TBK1: variants seen among roughly 807,000 people sequenced by gnomAD.
TBK1 encodes the protein serine/threonine-protein kinase TBK1.
Under a neutral mutation model 99.9 loss-of-function variants are expected in TBK1, and 37 were observed. The ratio of observed to expected loss-of-function variants is 0.37; its 90% CI spans 0.28 to 0.49. The LOEUF is 0.49. Ranked by LOEUF, TBK1 falls within the 20% of genes least tolerant of loss-of-function variation. The probability of loss-of-function intolerance (pLI) is 0.98; values close to 1 mark genes in which losing one functional copy is unlikely to be tolerated. For synonymous variants in TBK1, 258 were observed against 279.8 expected, an observed-to-expected ratio of 0.92 and a Z score of 0.78; for missense variants, 644 against 872.5, an observed-to-expected ratio of 0.74 and a Z score of 3.30.
intron 13 of TBK1, among the ~76,000 whole-genome samples, chr12:64,491,124 G>T (rs2040865243): frequency 1.3e-5 from 2 of 151,924 alleles, no homozygotes; most frequent in African/African-American, 4.8e-5. Context: ...TATTATAGAA[G>T]TGCGCAGGTT....
intron 6 of TBK1, among the ~76,000 whole-genome samples, chr12:64,475,302 T>C (rs942074745): frequency 1.3e-5 from 2 of 151,038 alleles, no homozygotes; most frequent in Non-Finnish European, 2.9e-5. Flanking sequence ...TCAGAGGGTA[T>C]GTGTGAAGGT....
Position 64,490,113 on chromosome 12 carries a change from G to T in TBK1, c.1515G>T (p.Leu505Phe). Reference sequence around the variant, plus strand: ...AAATTTCAGACATACACACCAAATTGTTGAGAGTAAGTGTTTACAAAATTA... The same window carrying T: ...AAATTTCAGACATACACACCAAATTTTTGAGAGTAAGTGTTTACAAAATTA... ...LGEISDIHTK[L>F]LRLSSSQGTI... Residue 505 changes from leucine (L) to phenylalanine (F), a missense_variant, in exon 13 of 21, where the codon TTG becomes TTT. Physicochemically the swap from Leu to Phe is conservative, Grantham distance 22 (BLOSUM62 0). Transcript: ENST00000331710. 6.2e-7 allele frequency: 1 copy of T among 1,609,206 alleles called. No individual in the cohort carries two copies. The highest frequency in any genetic ancestry group is 8.5e-7 in the Non-Finnish European group (1 of 1,177,182).
chr12:64,460,074 A>G, intron 2 of TBK1, 115 bp from the exon 3 acceptor site: 1 of 644,276 alleles, frequency 1.6e-6, no homozygotes, highest in South Asian at 5.0e-5. Context: ...CCTGTGCCTA[A>G]AAGATGCATG....
intron 2 of TBK1, among the ~76,000 whole-genome samples, chr12:64,458,859 C>T (rs2040517821): frequency 6.6e-6 from 1 of 152,190 alleles, no homozygotes; most frequent in Non-Finnish European, 1.5e-5. Flanking sequence ...AACAGTGAAA[C>T]TGAACTGTAC....
chr12:64,463,592 T>G (rs1313423508), intron 3 of TBK1, among the ~76,000 whole-genome samples: 19 of 148,414 alleles, frequency 1.3e-4, no homozygotes, highest in African/African-American at 4.5e-4. Flanking sequence ...CCCAGCTACT[T>G]GGGAGCTGAG....
At chr12:64,493,348 A>G (rs1485129944) in intron 13 of TBK1, among the ~76,000 whole-genome samples, 1 of 150,004 alleles carries the variant, frequency 6.7e-6, no homozygotes, top group Non-Finnish European at 1.5e-5. Context: ...CCTGGGCCAC[A>G]GGTCGCAGTG....
chr12:64,460,689 CTTGGCATGGTGG>C (rs201350388), intron 3 of TBK1, among the ~76,000 whole-genome samples: 4,578 of 151,922 alleles, frequency 0.03, 101 homozygotes, highest in Non-Finnish European at 0.045. Flanking sequence ...CAAAAATTAG[CTTGGCATGGTGG>C]TGCGCACCTG....
At chr12:64,474,715 T>TACA (rs1010687558) in intron 6 of TBK1, among the ~76,000 whole-genome samples, 1 of 152,078 alleles carries the variant, frequency 6.6e-6, no homozygotes, top group African/African-American at 2.4e-5. Context: ...TTTCCTCCCA[T>TACA]ACAACTGAAA....
intron 9 of TBK1, 69 bp downstream of exon 9, chr12:64,484,568 T>C: frequency 1.4e-6 from 2 of 1,450,046 alleles, no homozygotes; most frequent in South Asian, 2.7e-5. Flanking sequence ...GGCAACATAG[T>C]GAGACCTTGT....
chr12:64,465,371 A>G lies in TBK1; in HGVS notation c.358+908A>G, dbSNP rs137878928. On this transcript the variant is annotated intron_variant, in intron 4 of 20. Transcript: ENST00000331710. ...ACAGTCTAGAGTTCCTCAAAAAGTT[A>G]AATATAGAATTATTTAACTTTTGAC... Among the ~76,000 whole-genome samples the G allele has an allele frequency of 2.1e-3, 326 of 152,158 alleles. 2 individuals carry two copies. Among genetic ancestry groups the G allele is most frequent in the Non-Finnish European group, 1.9e-3 (129 of 68,002 alleles).
At chr12:64,478,443 G>A (rs1276468455) in intron 6 of TBK1, among the ~76,000 whole-genome samples, 3 of 152,118 alleles carry the variant, frequency 2.0e-5, no homozygotes, top group Non-Finnish European at 2.9e-5. Context: ...ATGAGCCACC[G>A]CACCCAGCCT....
At chr12:64,454,170 C>T (rs2040459278) in intron 1 of TBK1, among the ~76,000 whole-genome samples, 1 of 152,102 alleles carries the variant, frequency 6.6e-6, no homozygotes, top group Admixed American at 6.5e-5. Context: ...TCTTTCAAAA[C>T]ATTTGAAGGA....
At chr12:64,460,826 C>G (rs1034580867) in intron 3 of TBK1, among the ~76,000 whole-genome samples, 1 of 145,432 alleles carries the variant, frequency 6.9e-6, no homozygotes, top group African/African-American at 2.5e-5. Context: ...GAGGGAGACT[C>G]CATCTCAAAA....
chr12:64,502,111 TAA>T lies in TBK1; in HGVS notation c.*732_*733del, dbSNP rs937907664. ...AAAAATAAATTTCTCAATTTTAATG[TAA>T]AGAGTTCATGTGTTTCTTTGTATCC... On this transcript the variant is annotated 3_prime_UTR_variant, in exon 21 of 21. Transcript: ENST00000331710. 18 of 152,756 alleles carry T rather than the reference TAA, an allele frequency of 1.2e-4. No homozygotes were observed. The highest frequency in any genetic ancestry group is 4.3e-4 in the African/African-American group (18 of 41,576). 9.5% of individuals were successfully genotyped at this position (152,756 alleles called of 1,614,324 possible). A position where few individuals can be genotyped will look rare whatever the true frequency, so the allele number is the denominator to read the frequency against.
At chr12:64,496,321 A>C in intron 15 of TBK1, 46 bp from the exon 16 acceptor site, 1 of 948,228 alleles carries the variant, frequency 1.1e-6, no homozygotes, top group Non-Finnish European at 1.6e-6. Context: ...TGTGTATAAT[A>C]TTATGATTCT....
chr12:64,468,214 C>T (rs1188657499), intron 5 of TBK1, among the ~76,000 whole-genome samples: 3 of 151,420 alleles, frequency 2.0e-5, no homozygotes, highest in Non-Finnish European at 4.4e-5. Context: ...AGGTACCTGG[C>T]CCAGGCATGG....
intron 4 of TBK1, among the ~76,000 whole-genome samples, chr12:64,466,594 A>G (rs1592357852): frequency 6.6e-6 from 1 of 152,244 alleles, no homozygotes; most frequent in South Asian, 2.1e-4. Flanking sequence ...CCACATATAT[A>G]TAACCAAAGT....
chr12:64,496,259 C>G (rs2040923854), intron 15 of TBK1, 108 bp from the exon 16 acceptor site: 1 of 476,804 alleles, frequency 2.1e-6, no homozygotes, highest in Non-Finnish European at 3.6e-6. Flanking sequence ...TCTATGACAT[C>G]TGCTTCAGAC....
chr12:64,490,754 A>G lies in TBK1; in HGVS notation c.1521+635A>G, dbSNP rs144069875. 5.6e-3 allele frequency among the ~76,000 whole-genome samples: 859 copies of G among 152,106 alleles called. 10 individuals are homozygous for G. The highest frequency in any genetic ancestry group is 0.019 in the African/African-American group (786 of 41,492). ...GGAGTTTGAGACCAGCCTGGCCAAC[A>G]TGGTGAAACCCCGTGTCATTAGCTG... On this transcript the variant is annotated intron_variant, in intron 13 of 20. Transcript: ENST00000331710.
Sources: gnomAD v4.1 joint callset for allele counts (sites outside exome capture counted in the v4.1 genomes callset) on GRCh38, gnomAD v4.1.1 for gene constraint, MANE v1.5 for transcripts, NCBI Gene and HGNC (gene_info 2026-07-23, HGNC 2026-07-21) for gene names.